Variants in CCDC3 observed in about 807,000 individuals in gnomAD.
CCDC3 encodes coiled-coil domain-containing protein 3.
CCDC3 carries 24 observed loss-of-function variants against 21.4 expected under a neutral mutation model. The ratio of observed to expected loss-of-function variants is 1.12; its 90% confidence interval spans 0.81 to 1.58. The LOEUF (loss-of-function observed/expected upper bound fraction) is 1.58. Among genes scored for constraint, CCDC3 ranks in the 40% most tolerant of loss-of-function variants. The pLI, the probability that CCDC3 is intolerant of heterozygous loss-of-function variation, is 0.00. For missense variants in CCDC3, 425 were observed against 360.9 expected (o/e 1.18, Z -1.44); for synonymous variants, 186 against 166.0 (o/e 1.12, Z -0.93).
At chr10:12,933,530 T>C (rs910239938) in intron 2 of CCDC3, among the ~76,000 whole-genome samples, 4 of 151,388 alleles carry the variant, frequency 2.6e-5, no homozygotes, top group African/African-American at 9.7e-5. Context: ...TGATTTTGGC[T>C]CACTGCACCC....
At chr10:12,981,227 A>G (rs945011628) in intron 2 of CCDC3, among the ~76,000 whole-genome samples, 31 of 142,712 alleles carry the variant, frequency 2.2e-4, no homozygotes, top group Non-Finnish European at 3.8e-4. Flanking sequence ...TTGGCCAGAC[A>G]GGAGTGTGGT....
At chr10:13,027,711 A>C (rs910563867) in intron 5 of CCDC3, among the ~76,000 whole-genome samples, 1 of 64,714 alleles carries the variant, frequency 1.5e-5, no homozygotes, top group African/African-American at 3.6e-5. Context: ...ACTCCAATTC[A>C]AAAAAAATTA....
chr10:12,986,740 C>T lies in CCDC3; in HGVS notation c.549+11598G>A, dbSNP rs191156245. Among the ~76,000 whole-genome samples, 1,395 of 151,222 alleles carry T rather than the reference C, an allele frequency of 9.2e-3. 19 individuals carry two copies. Among genetic ancestry groups the T allele is most frequent in the African/African-American group, 0.028 (1,150 of 41,238 alleles). On this transcript the variant is annotated intron_variant, in intron 2 of 2. Coordinates refer to ENST00000378825, the MANE Select transcript of CCDC3 (RefSeq NM_031455.4). Reference sequence around the variant, plus strand: ...GTGAGCCGAGATCGTGCCACTGCACCCCAGCCTGGGCGGCAGAGCGAGACT... The same window carrying T: ...GTGAGCCGAGATCGTGCCACTGCACTCCAGCCTGGGCGGCAGAGCGAGACT...
intron 5 of CCDC3, among the ~76,000 whole-genome samples, chr10:13,023,122 G>T (rs1193324252): frequency 6.6e-6 from 1 of 151,202 alleles, no homozygotes; most frequent in South Asian, 2.1e-4. Context: ...TTTCATGATT[G>T]TACAGCAAAA....
chr10:13,071,427 G>A (rs1836881357), intron 4 of CCDC3, among the ~76,000 whole-genome samples: 1 of 152,212 alleles, frequency 6.6e-6, no homozygotes, highest in African/African-American at 2.4e-5. Context: ...GCACAGGTGA[G>A]CATGACTAAT....
intron 2 of CCDC3, among the ~76,000 whole-genome samples, chr10:12,908,826 C>T (rs1232686871): frequency 6.6e-6 from 1 of 152,238 alleles, no homozygotes; most frequent in South Asian, 2.1e-4. Context: ...CTCCTGACCT[C>T]GTGGTCCATC....
At chr10:12,987,069 G>A (rs1337182828) in intron 2 of CCDC3, among the ~76,000 whole-genome samples, 3 of 152,020 alleles carry the variant, frequency 2.0e-5, no homozygotes, top group Non-Finnish European at 2.9e-5. Flanking sequence ...CACCCTCATC[G>A]GCCCTCCATT....
At chr10:12,960,103 G>A (rs991426285) in intron 2 of CCDC3, among the ~76,000 whole-genome samples, 18 of 151,968 alleles carry the variant, frequency 1.2e-4, no homozygotes, top group African/African-American at 4.1e-4. Flanking sequence ...GCAGTGAGCC[G>A]AGATCGTGCC....
intron 5 of CCDC3, among the ~76,000 whole-genome samples, chr10:13,048,807 T>C (rs1023363000): frequency 7.2e-5 from 11 of 152,036 alleles, no homozygotes; most frequent in Non-Finnish European, 4.4e-5. Flanking sequence ...AAAATCCAAA[T>C]ATTTAAGAGT....
At chr10:13,073,230 C>T (rs990131604) in intron 4 of CCDC3, among the ~76,000 whole-genome samples, 41 of 152,018 alleles carry the variant, frequency 2.7e-4, no homozygotes, top group African/African-American at 8.9e-4. Flanking sequence ...ACCATTTTAC[C>T]GGGGCAAACT....
chr10:13,015,238 C>G, intron 5 of CCDC3, among the ~76,000 whole-genome samples: 1 of 151,982 alleles, frequency 6.6e-6, no homozygotes. Flanking sequence ...TTTAAAAGGA[C>G]CTGTAAGACC....
At chr10:13,095,285 C>A (rs1021080882) in intron 3 of CCDC3, among the ~76,000 whole-genome samples, 5 of 152,150 alleles carry the variant, frequency 3.3e-5, no homozygotes, top group African/African-American at 4.8e-5. Context: ...AAGTCCAGAC[C>A]AAGGTCAACC....
chr10:12,960,533 T>C (rs538088902), intron 2 of CCDC3, among the ~76,000 whole-genome samples: 1 of 152,136 alleles, frequency 6.6e-6, no homozygotes, highest in Non-Finnish European at 1.5e-5. Context: ...TGAGCAGTGT[T>C]GGGTAAACAG....
intron 3 of CCDC3, among the ~76,000 whole-genome samples, chr10:13,083,414 C>T (rs988446793): frequency 4.6e-5 from 7 of 152,216 alleles, no homozygotes; most frequent in Admixed American, 1.3e-4. Context: ...TTCACAGTTT[C>T]CCTTTTTGTT....
intron 2 of CCDC3, among the ~76,000 whole-genome samples, chr10:12,937,083 C>T (rs1041191945): frequency 1.3e-5 from 2 of 150,306 alleles, no homozygotes; most frequent in Non-Finnish European, 3.0e-5. Context: ...GCCTGGGGGC[C>T]GGCCAATGGC....
chr10:12,947,427 C>T (rs1026193939), intron 2 of CCDC3, among the ~76,000 whole-genome samples: 2 of 152,156 alleles, frequency 1.3e-5, no homozygotes, highest in African/African-American at 4.8e-5. Flanking sequence ...AGATTACAGG[C>T]GTGGGTCACC....
At chr10:13,058,468 C>T in intron 4 of CCDC3, 1 of 755,764 alleles carries the variant, frequency 1.3e-6, no homozygotes, top group East Asian at 2.4e-5. Context: ...TCATATCCCC[C>T]TCAATATGGC....
At chr10:13,004,199 A>G (rs1835898799), upstream of CCDC3, among the ~76,000 whole-genome samples, 1 of 152,182 alleles carries the variant, frequency 6.6e-6, no homozygotes, top group African/African-American at 2.4e-5. Context: ...TTCAAAGCAC[A>G]CACAGTAAGT....
chr10:13,053,695 C>T (rs948648689), intron 4 of CCDC3, among the ~76,000 whole-genome samples: 2 of 152,172 alleles, frequency 1.3e-5, no homozygotes, highest in African/African-American at 4.8e-5. Context: ...TTTCATTTGT[C>T]ACTTAAAACC....
Sources: gnomAD v4.1 joint callset for allele counts (sites outside exome capture counted in the v4.1 genomes callset) on GRCh38, gnomAD v4.1.1 for gene constraint, MANE v1.5 for transcripts, NCBI Gene and HGNC (gene_info 2026-07-23, HGNC 2026-07-21) for gene names.